PLG: variants seen among roughly 807,000 people sequenced by gnomAD.
PLG encodes the protein plasmin.
Under a neutral mutation model 104.4 loss-of-function variants are expected in PLG, and 41 were observed. The ratio of observed to expected loss-of-function variants is 0.39; its 90% confidence interval spans 0.31 to 0.51. PLG has a LOEUF of 0.51. Ranked by LOEUF, PLG falls within the 20% of genes least tolerant of loss-of-function variation. PLG has a pLI of 0.76. For synonymous variants in PLG, 337 were observed against 357.1 expected (o/e 0.94, Z 0.63); for missense variants, 891 against 1,003.6 (o/e 0.89, Z 1.52).
rs1339857891 is a variant in PLG at position 160,702,320 on chromosome 6, G to A, written c.16G>A (p.Val6Met). The change falls in exon 1 of 19, where the codon GTG becomes ATG. Residue 6 changes from valine (V) to methionine (M), a missense_variant. Around this residue, in one of 2 missense-constraint regions of PLG, gnomAD observed 854 missense variants for 932.1 expected, o/e 0.92. Coordinates refer to ENST00000308192, the MANE Select transcript of PLG (RefSeq NM_000301.5). MEHKE[V>M]VLLLLLFLKS... Reference sequence around the variant, plus strand: ...CAGTCCCAAAATGGAACATAAGGAAGTGGTTCTTCTACTTCTTTTATTTCT... The same window carrying A: ...CAGTCCCAAAATGGAACATAAGGAAATGGTTCTTCTACTTCTTTTATTTCT... 5 of 1,609,800 alleles carry A rather than the reference G, an allele frequency of 3.1e-6. No individual in the cohort carries two copies. The highest frequency in any genetic ancestry group is 4.5e-4 in the Middle Eastern group (2 of 4,452).
intron 17 of PLG, among the ~76,000 whole-genome samples, chr6:160,751,111 G>C (rs370505018): frequency 6.6e-5 from 10 of 152,284 alleles, no homozygotes; most frequent in African/African-American, 2.4e-4. Flanking sequence ...TTTTCTAGTG[G>C]CACGGTACAC....
At position 160,734,312 on chromosome 6, in the gene PLG, A is replaced by C. The variant is rs1778051934; in HGVS notation, c.1681+224A>C. Among the ~76,000 whole-genome samples, 1 of 152,156 alleles carries C rather than the reference A, an allele frequency of 6.6e-6. No individual in the cohort carries two copies. The highest frequency in any genetic ancestry group is 2.4e-5 in the African/African-American group (1 of 41,440). On this transcript the variant is annotated intron_variant, in intron 13 of 18. Transcript: ENST00000308192. The surrounding 1 kb of genome is among the most constrained non-coding windows in gnomAD (Gnocchi z 4.4). ...AGGCACACATAAATAAAATAAATGT[A>C]AAATTCCCAAAGAGCAAGCTTAGAG...
intron 9 of PLG, among the ~76,000 whole-genome samples, 154 bp downstream of exon 9, chr6:160,718,992 G>A (rs913024290): frequency 6.6e-6 from 1 of 152,154 alleles, no homozygotes; most frequent in African/African-American, 2.4e-5. Context: ...TAGATTTGTT[G>A]AGGTTTGTTT....
chr6:160,716,582 A>G (rs989638652), intron 6 of PLG, 63 bp from the exon 7 acceptor site: 19 of 1,011,500 alleles, frequency 1.9e-5, no homozygotes, highest in Non-Finnish European at 2.1e-5. Flanking sequence ...TTTGCTCTTG[A>G]AAAAGAGTCT....
Position 160,713,070 on chromosome 6 carries a change from C to CTA in PLG, c.495_496dup (p.Thr166IlefsTer65). 6.2e-7 allele frequency: 1 copy of CTA among 1,608,504 alleles called. No individual in the cohort carries two copies. The highest frequency in any genetic ancestry group is 8.5e-7 in the Non-Finnish European group (1 of 1,176,700). On this transcript the variant is annotated frameshift_variant, in exon 5 of 19. Transcript: ENST00000308192. LOFTEE classifies it high-confidence loss of function. ...ACAACGATCCGCAGGGGCCCTGGTG[C>CTA]TATACTACTGATCCAGAAAAGAGAT...
chr6:160,752,561 A>G lies in PLG; in HGVS notation c.2271+301A>G, dbSNP rs955849028. On this transcript the variant is annotated intron_variant, in intron 18 of 18. Coordinates refer to ENST00000308192, the MANE Select transcript of PLG (RefSeq NM_000301.5). The surrounding 1 kb of genome is among the most constrained non-coding windows in gnomAD (Gnocchi z 4.7). ...GGACTAAAGTGGTGACTTTTCCGGT[A>G]GGGAAGGAGGTAGAGGATACAGGAC... Among the ~76,000 whole-genome samples, 11 of 152,132 alleles carry G rather than the reference A, an allele frequency of 7.2e-5. No individual in the cohort carries two copies. Among genetic ancestry groups the G allele is most frequent in the African/African-American group, 2.4e-4 (10 of 41,434 alleles).
chr6:160,726,469 T>C lies in PLG; in HGVS notation c.1256+3902T>C, dbSNP rs1192821478. Reference sequence around the variant, plus strand: ...AACTTTAAATGCTTTCAGTAGAAAATAGAAACATGTAAAAATCAATGACTT... The same window carrying C: ...AACTTTAAATGCTTTCAGTAGAAAACAGAAACATGTAAAAATCAATGACTT... On this transcript the variant is annotated intron_variant, in intron 10 of 18. Coordinates refer to ENST00000308192, the MANE Select transcript of PLG (RefSeq NM_000301.5). The surrounding 1 kb of genome is among the most constrained non-coding windows in gnomAD (Gnocchi z 4.4). Among the ~76,000 whole-genome samples the C allele has an allele frequency of 6.6e-6, 1 of 151,906 alleles. No homozygotes were observed. Among genetic ancestry groups the C allele is most frequent in the Non-Finnish European group, 1.5e-5 (1 of 67,884 alleles).
At chr6:160,709,793 G>A (rs983571258) in intron 3 of PLG, among the ~76,000 whole-genome samples, 8 of 152,162 alleles carry the variant, frequency 5.3e-5, no homozygotes, top group Admixed American at 4.6e-4. Context: ...ACGCAGTATT[G>A]GGTTAAAAGC....
At chr6:160,704,434 C>T (rs185263649) in intron 1 of PLG, among the ~76,000 whole-genome samples, 1 of 152,300 alleles carries the variant, frequency 6.6e-6, no homozygotes, top group East Asian at 1.9e-4. Flanking sequence ...CTCTGCTATA[C>T]TTCAAAAAAA....
rs776016426 is a variant in PLG, at chr6:160,716,613, C to T, written c.669-32C>T. 9.3e-6 allele frequency: 11 copies of T among 1,185,164 alleles called. No individual in the cohort carries two copies. The South Asian group carries it at 1.3e-4, about 14-fold the overall frequency. 73.4% of individuals were successfully genotyped at this position (1,185,164 alleles called of 1,614,324 possible). A position where few individuals can be genotyped will look rare whatever the true frequency, so the allele number is the denominator to read the frequency against. On this transcript the variant is annotated intron_variant, in intron 6 of 18. Transcript: ENST00000308192. ...AGTCTTATCCATGAATGTAAATGTT[C>T]AGTGCTACTAAAATCTTTCTTGTCC...
chr6:160,717,885 A>G (rs3823055), intron 7 of PLG, among the ~76,000 whole-genome samples: 103,326 of 152,132 alleles, frequency 0.68, 35,609 homozygotes, highest in Middle Eastern at 0.81. Context: ...AGGCTGAGCA[A>G]AAGCCAAGAC....
At chr6:160,733,960 C>T (rs1420737425) in intron 12 of PLG, 35 bp from the exon 13 acceptor site, 10 of 1,145,056 alleles carry the variant, frequency 8.7e-6, no homozygotes, top group South Asian at 2.4e-5. Flanking sequence ...TCCTGCCCCA[C>T]GTGAGCTGGA....
intron 10 of PLG, among the ~76,000 whole-genome samples, chr6:160,730,060 G>A (rs922070398): frequency 2.0e-5 from 3 of 152,164 alleles, no homozygotes; most frequent in African/African-American, 4.8e-5. Flanking sequence ...TACATTTCCC[G>A]TTTTCTCAGA....
At chr6:160,730,912 G>A (rs1473259053) in intron 10 of PLG, 139 bp from the exon 11 acceptor site, 2 of 804,174 alleles carry the variant, frequency 2.5e-6, no homozygotes, top group Non-Finnish European at 4.1e-6. Context: ...ATTTTTGTTT[G>A]TTACAACATT....
rs1008795501 is a variant in PLG, at chr6:160,731,968, G to A, written c.1587+75G>A. On this transcript the variant is annotated intron_variant, in intron 12 of 18. Transcript: ENST00000308192. The surrounding 1 kb of genome is among the most constrained non-coding windows in gnomAD (Gnocchi z 5.1). ...CAAACAGAATTGGTTCTGTGTTACA[G>A]AAAATCTGACCTGGACTGCTCTTTT... is the stretch of plus-strand genomic sequence containing the variant. 4.7e-6 allele frequency: 7 copies of A among 1,490,350 alleles called. No homozygotes were observed. In the East Asian group the frequency reaches 1.6e-4, roughly 34 times the overall value. 92.3% of individuals were successfully genotyped at this position (1,490,350 alleles called of 1,614,324 possible).
rs946480049 is a variant in PLG, at chr6:160,718,846, A to G, written c.1096+8A>G. ...AACAATTGGCTCCCACAGGTAAGCAAGGGTATGGGAGCTTACTGAGGGCCC... is the reference window on the plus strand; with the variant it reads ...AACAATTGGCTCCCACAGGTAAGCAGGGGTATGGGAGCTTACTGAGGGCCC... On this transcript the variant is annotated splice_region_variant and intron_variant, in intron 9 of 18. Coordinates refer to ENST00000308192, the MANE Select transcript of PLG (RefSeq NM_000301.5). 1.2e-6 allele frequency: 2 copies of G among 1,612,968 alleles called. No homozygotes were observed. Among genetic ancestry groups the G allele is most frequent in the African/African-American group, 1.3e-5 (1 of 74,910 alleles).
chr6:160,718,607 T>G, intron 8 of PLG, 86 bp from the exon 9 acceptor site: 2 of 1,479,020 alleles, frequency 1.4e-6, no homozygotes, highest in African/African-American at 1.4e-5. Flanking sequence ...TTAGCACGTT[T>G]TTTCCCGTAA....
intron 17 of PLG, among the ~76,000 whole-genome samples, chr6:160,750,563 T>C (rs1165245672): frequency 6.6e-6 from 1 of 152,220 alleles, no homozygotes; most frequent in Non-Finnish European, 1.5e-5. Flanking sequence ...CACTGCCCAA[T>C]GCTTGGTAGT....
At chr6:160,733,054 T>A (rs773119733) in intron 12 of PLG, among the ~76,000 whole-genome samples, 21 of 152,084 alleles carry the variant, frequency 1.4e-4, no homozygotes, top group Middle Eastern at 3.2e-3. Flanking sequence ...CCTGAGACTA[T>A]CCAAGAACCC....
Sources: allele counts gnomAD v4.1 joint callset (sites outside exome capture counted in the v4.1 genomes callset), GRCh38; gene constraint gnomAD v4.1.1; regional missense constraint gnomAD v4.1.1; non-coding constraint Gnocchi (gnomAD v3.1); transcripts MANE v1.5; gene names NCBI Gene and HGNC (gene_info 2026-07-23, HGNC 2026-07-21).